Variants in PCMT1 observed in about 807,000 individuals in gnomAD.
PCMT1 encodes the protein protein-L-isoaspartate (D-aspartate) O-methyltransferase.
PCMT1 carries 9 observed loss-of-function variants against 29.2 expected under a neutral mutation model. That is an observed-to-expected ratio of 0.31 (90% CI 0.19 to 0.54). The LOEUF is 0.54. PCMT1 is among the 20% of genes least tolerant of loss of function. The probability of loss-of-function intolerance (pLI) is 0.95; values close to 1 mark genes in which losing one functional copy is unlikely to be tolerated. For missense variants in PCMT1, 184 were observed against 282.2 expected (o/e 0.65, Z 2.49); for synonymous variants, 98 against 97.5 (o/e 1.00, Z -0.03).
chr6:149,749,975 C>G lies in PCMT1; in HGVS notation c.55+19C>G. 6.2e-7 allele frequency: 1 copy of G among 1,602,282 alleles called. No individual in the cohort carries two copies. Among genetic ancestry groups the G allele is most frequent in the Non-Finnish European group, 8.5e-7 (1 of 1,174,418 alleles). On this transcript the variant is annotated intron_variant, in intron 1 of 7. Transcript: ENST00000464889. ...CTCCGCAGTAAGTGCCACCTCCGCC[C>G]GTTGTAGGGCAGCTGGGGCAGGCTG...
At chr6:149,792,597 C>T (rs1175873059) in intron 4 of PCMT1, among the ~76,000 whole-genome samples, 1 of 152,078 alleles carries the variant, frequency 6.6e-6, no homozygotes, top group African/African-American at 2.4e-5. Context: ...ACTGCAGCCT[C>T]TGCCTCCCAG....
intron 4 of PCMT1, among the ~76,000 whole-genome samples, chr6:149,792,599 G>A (rs1788416564): frequency 6.6e-6 from 1 of 152,030 alleles, no homozygotes; most frequent in South Asian, 2.1e-4. Flanking sequence ...TGCAGCCTCT[G>A]CCTCCCAGGC....
chr6:149,789,760 T>C (rs78155379), intron 3 of PCMT1, among the ~76,000 whole-genome samples, 194 bp from the exon 4 acceptor site: 2,342 of 152,240 alleles, frequency 0.015, 70 homozygotes, highest in African/African-American at 0.053. Flanking sequence ...CTAAAATTAC[T>C]GAAACACATG....
chr6:149,805,555 T>C lies in PCMT1; in HGVS notation c.*37+3139T>C, dbSNP rs149587546. Among the ~76,000 whole-genome samples, 1,266 of 149,934 alleles carry C rather than the reference T, an allele frequency of 8.4e-3. 12 individuals are homozygous for C. Among genetic ancestry groups the C allele is most frequent in the African/African-American group, 0.029 (1,166 of 40,774 alleles). On this transcript the variant is annotated intron_variant, in intron 7 of 7. Transcript: ENST00000464889. Reference sequence around the variant, plus strand: ...CTTGCAGTGAGCTGAGATCGCGCCATTGCACTCCAGCCTGGGCAACAGAGC... The same window carrying C: ...CTTGCAGTGAGCTGAGATCGCGCCACTGCACTCCAGCCTGGGCAACAGAGC...
chr6:149,787,494 T>C (rs1459090163), intron 3 of PCMT1, among the ~76,000 whole-genome samples: 1 of 151,720 alleles, frequency 6.6e-6, no homozygotes. Context: ...AGCTTCCCAG[T>C]AGCTGGGATT....
intron 3 of PCMT1, among the ~76,000 whole-genome samples, chr6:149,776,653 T>C (rs1787583953): frequency 6.6e-6 from 1 of 152,128 alleles, no homozygotes; most frequent in African/African-American, 2.4e-5. Flanking sequence ...GCTCTAGTGA[T>C]CCTCTTGCTT....
intron 1 of PCMT1, 88 bp downstream of exon 1, chr6:149,750,044 G>T: frequency 1.4e-6 from 2 of 1,461,252 alleles, no homozygotes; most frequent in Non-Finnish European, 1.8e-6. Flanking sequence ...CGTTCTGTCT[G>T]TCCCCGCGCG....
At chr6:149,776,756 G>A (rs1431878628) in intron 3 of PCMT1, among the ~76,000 whole-genome samples, 1 of 152,162 alleles carries the variant, frequency 6.6e-6, no homozygotes, top group Non-Finnish European at 1.5e-5. Context: ...GCACTATAAT[G>A]AGGTACCAGT....
intron 1 of PCMT1, among the ~76,000 whole-genome samples, chr6:149,758,086 G>T (rs753755864): frequency 6.6e-6 from 1 of 151,664 alleles, no homozygotes; most frequent in Non-Finnish European, 1.5e-5. Context: ...GTTTCACCAT[G>T]TTGGCCAGGA....
chr6:149,789,185 T>G (rs1788251319), intron 3 of PCMT1, among the ~76,000 whole-genome samples: 1 of 151,382 alleles, frequency 6.6e-6, no homozygotes, highest in African/African-American at 2.4e-5. Flanking sequence ...CAAGCAGTTC[T>G]CTGCCTCAGC....
At chr6:149,759,796 A>G (rs1256281679) in intron 1 of PCMT1, among the ~76,000 whole-genome samples, 10 of 151,954 alleles carry the variant, frequency 6.6e-5, no homozygotes, top group African/African-American at 2.4e-4. Context: ...CGCCCGGCCT[A>G]TTTTCTTACC....
chr6:149,797,350 A>T (rs1369435598), intron 6 of PCMT1: 1 of 152,146 alleles, frequency 6.6e-6, no homozygotes, highest in African/African-American at 2.4e-5. Flanking sequence ...GGTCAAGGAG[A>T]CATCACACAC....
chr6:149,810,595 T>G, intron 7 of PCMT1, 21 bp from the exon 8 acceptor site: 1 of 1,543,870 alleles, frequency 6.5e-7, no homozygotes, highest in African/African-American at 1.4e-5. Flanking sequence ...ACTAATGTAT[T>G]TCTCTCTTTT....
chr6:149,796,787 GTTTTTTTTGTTTGTT>G (rs1235762691), intron 6 of PCMT1: 23 of 259,866 alleles, frequency 8.9e-5, no homozygotes, highest in African/African-American at 4.5e-4. Context: ...TGATAATCAG[GTTTTTTTTGTTTGTT>G]TGTTTTTTGT....
intron 4 of PCMT1, among the ~76,000 whole-genome samples, chr6:149,792,143 C>T (rs1394771054): frequency 3.3e-5 from 5 of 151,570 alleles, no homozygotes; most frequent in East Asian, 1.9e-4. Flanking sequence ...GGTGAAACCC[C>T]GTCTCCACTA....
intron 1 of PCMT1, among the ~76,000 whole-genome samples, chr6:149,756,301 G>C (rs1316359556): frequency 6.6e-6 from 1 of 151,030 alleles, no homozygotes; most frequent in East Asian, 1.9e-4. Context: ...TACAGCACCA[G>C]TTCTTAGCCA....
chr6:149,781,019 C>T (rs1462910221), intron 3 of PCMT1, among the ~76,000 whole-genome samples: 1 of 151,908 alleles, frequency 6.6e-6, no homozygotes, highest in African/African-American at 2.4e-5. Flanking sequence ...TTGTTATTTT[C>T]TTTTTTTAAA....
At chr6:149,752,179 A>G (rs2115188241) in intron 1 of PCMT1, among the ~76,000 whole-genome samples, 1 of 151,000 alleles carries the variant, frequency 6.6e-6, no homozygotes, top group African/African-American at 2.4e-5. Flanking sequence ...GCACCTGGCC[A>G]TGGTGAATGT....
At chr6:149,754,499 G>A (rs969850704) in intron 1 of PCMT1, among the ~76,000 whole-genome samples, 1 of 152,150 alleles carries the variant, frequency 6.6e-6, no homozygotes, top group African/African-American at 2.4e-5. Context: ...GTGATGTTCT[G>A]GAGCAGGGGT....
Sources: gnomAD v4.1 joint callset for allele counts (sites outside exome capture counted in the v4.1 genomes callset) on GRCh38, gnomAD v4.1.1 for gene constraint, MANE v1.5 for transcripts, NCBI Gene and HGNC (gene_info 2026-07-23, HGNC 2026-07-21) for gene names.